The following ERBB4 variants were observed in gnomAD, a reference collection of about 807,000 sequenced individuals.
ERBB4 encodes erb-b2 receptor tyrosine kinase 4, also known as receptor tyrosine-protein kinase erbB-4.
ERBB4 carries 42 observed loss-of-function variants against 158.0 expected under a neutral mutation model. The ratio of observed to expected loss-of-function variants is 0.27; its 90% confidence interval spans 0.21 to 0.34. ERBB4 has a LOEUF of 0.34. Among genes scored for constraint, ERBB4 ranks in the 10% least tolerant of loss-of-function variants. The pLI is 1.00. For missense variants in ERBB4, 1,333 were observed against 1,624.1 expected (o/e 0.82, Z 3.08); for synonymous variants, 583 against 558.7 (o/e 1.04, Z -0.61).
intron 1 of ERBB4, among the ~76,000 whole-genome samples, chr2:212,162,824 T>C (rs1340879862): frequency 1.3e-5 from 2 of 151,936 alleles, no homozygotes; most frequent in African/African-American, 2.4e-5. Flanking sequence ...CTGGGGTAAA[T>C]TGCAATCTGA....
At chr2:211,468,930 A>AG (rs2064765492) in intron 20 of ERBB4, among the ~76,000 whole-genome samples, 1 of 151,548 alleles carries the variant, frequency 6.6e-6, no homozygotes, top group East Asian at 1.9e-4. Flanking sequence ...AAAAAAAAAA[A>AG]AAACCCTTAA....
intron 1 of ERBB4, among the ~76,000 whole-genome samples, chr2:212,419,076 CT>C (rs2091728669): frequency 1.4e-5 from 2 of 144,598 alleles, no homozygotes; most frequent in African/African-American, 5.0e-5. Flanking sequence ...TTGCTAACTT[CT>C]TACTATGTAT....
chr2:211,778,583 C>G (rs150396243), intron 4 of ERBB4: 96 of 152,286 alleles, frequency 6.3e-4, no homozygotes, highest in African/African-American at 2.2e-3. Flanking sequence ...CTTCTCCCCC[C>G]ATCTTTTCTA....
intron 3 of ERBB4, among the ~76,000 whole-genome samples, chr2:211,896,238 C>A (rs959183466): frequency 2.6e-5 from 4 of 152,152 alleles, no homozygotes; most frequent in African/African-American, 9.7e-5. Flanking sequence ...TTTAACAAGT[C>A]CAAAATTAAA....
At chr2:211,801,661 A>G (rs964973147) in intron 3 of ERBB4, among the ~76,000 whole-genome samples, 3 of 152,184 alleles carry the variant, frequency 2.0e-5, no homozygotes, top group Non-Finnish European at 2.9e-5. Context: ...GTTCTTAACT[A>G]AAACTTTCTC....
chr2:211,862,703 A>G (rs1330586431), intron 3 of ERBB4, among the ~76,000 whole-genome samples: 1 of 152,230 alleles, frequency 6.6e-6, no homozygotes, highest in East Asian at 1.9e-4. Context: ...TAAAACTGAT[A>G]TATCAGATCA....
chr2:211,736,509 G>A (rs975694910), intron 5 of ERBB4, among the ~76,000 whole-genome samples: 1 of 152,040 alleles, frequency 6.6e-6, no homozygotes, highest in Admixed American at 6.6e-5. Flanking sequence ...CATGAACAAA[G>A]GTCAAATTAA....
intron 1 of ERBB4, among the ~76,000 whole-genome samples, chr2:212,418,762 C>T (rs1330146264): frequency 6.6e-6 from 1 of 151,576 alleles, no homozygotes; most frequent in Non-Finnish European, 1.5e-5. Flanking sequence ...CTTTAAAAGG[C>T]ATAAATGATT....
At chr2:211,760,005 T>C (rs898184378) in intron 4 of ERBB4, among the ~76,000 whole-genome samples, 5 of 152,236 alleles carry the variant, frequency 3.3e-5, no homozygotes, top group African/African-American at 1.2e-4. Context: ...TTAACTATTT[T>C]GCCTTATGAG....
chr2:212,381,968 C>A (rs984710107), intron 1 of ERBB4, among the ~76,000 whole-genome samples: 4 of 150,966 alleles, frequency 2.6e-5, no homozygotes, highest in African/African-American at 9.7e-5. Context: ...TTCTGTAGAT[C>A]CTCACTACTC....
At chr2:212,336,997 A>G (rs2088474855) in intron 1 of ERBB4, among the ~76,000 whole-genome samples, 2 of 152,132 alleles carry the variant, frequency 1.3e-5, no homozygotes, top group African/African-American at 4.8e-5. Flanking sequence ...AGAAGTGCAT[A>G]AAATATTACT....
intron 2 of ERBB4, among the ~76,000 whole-genome samples, chr2:212,062,876 A>G (rs906857866): frequency 2.6e-4 from 39 of 152,206 alleles, no homozygotes; most frequent in African/African-American, 9.4e-4. Context: ...TCCACCATTT[A>G]CTACATCTCT....
At chr2:211,580,806 ATATATAAT>A (rs2068053109) in intron 19 of ERBB4, among the ~76,000 whole-genome samples, 2 of 61,578 alleles carry the variant, frequency 3.2e-5, no homozygotes, top group East Asian at 7.7e-4. Flanking sequence ...ATATATATAT[ATATATAAT>A]ATATATATAT....
intron 3 of ERBB4, among the ~76,000 whole-genome samples, chr2:211,932,271 G>C (rs2080198673): frequency 6.6e-6 from 1 of 151,900 alleles, no homozygotes. Flanking sequence ...TTATCACTTT[G>C]CCCTTCCAAA....
At chr2:212,447,286 T>C (rs2092375908) in intron 1 of ERBB4, among the ~76,000 whole-genome samples, 1 of 152,094 alleles carries the variant, frequency 6.6e-6, no homozygotes, top group African/African-American at 2.4e-5. Context: ...TGTGAGCCAC[T>C]GCACCCAGCC....
chr2:211,679,834 C>G, intron 12 of ERBB4, among the ~76,000 whole-genome samples: 1 of 151,748 alleles, frequency 6.6e-6, no homozygotes, highest in East Asian at 1.9e-4. Flanking sequence ...CTCACACTAC[C>G]ACGCCCAGAT....
intron 5 of ERBB4, among the ~76,000 whole-genome samples, chr2:211,746,261 T>C (rs570994577): frequency 9.5e-4 from 145 of 152,050 alleles, no homozygotes; most frequent in African/African-American, 3.4e-3. Flanking sequence ...ATCAACAGAG[T>C]GAAACACTGT....
intron 3 of ERBB4, among the ~76,000 whole-genome samples, chr2:211,880,577 A>AAATAAACC (rs1359281008): frequency 6.6e-6 from 1 of 152,204 alleles, no homozygotes; most frequent in South Asian, 2.1e-4. Flanking sequence ...ATTTGCACCA[A>AAATAAACC]AATAAACCCA....
chr2:212,170,928 C>A (rs2081497560), intron 1 of ERBB4, among the ~76,000 whole-genome samples: 1 of 152,128 alleles, frequency 6.6e-6, no homozygotes. Flanking sequence ...AGATTCCCCA[C>A]CAGGGCACTG....
Sources: gnomAD v4.1 joint callset for allele counts (sites outside exome capture counted in the v4.1 genomes callset) on GRCh38, gnomAD v4.1.1 for gene constraint, MANE v1.5 for transcripts, NCBI Gene and HGNC (gene_info 2026-07-23, HGNC 2026-07-21) for gene names.